ITGAV: variants seen among roughly 807,000 people sequenced by gnomAD.
ITGAV encodes integrin alpha-V.
A neutral mutation model predicts 143.8 loss-of-function variants in ITGAV; 76 were observed. That is an observed-to-expected ratio of 0.53 (90% CI 0.44 to 0.64). The LOEUF (loss-of-function observed/expected upper bound fraction) is 0.64. Among genes scored for constraint, ITGAV ranks in the 30% least tolerant of loss-of-function variants. ITGAV has a pLI of 0.00. For synonymous variants in ITGAV, 453 were observed against 446.7 expected (o/e 1.01, Z -0.18); for missense variants, 1,193 against 1,274.7 (o/e 0.94, Z 0.98).
At chr2:186,613,440 G>T (rs1316033425) in intron 2 of ITGAV, among the ~76,000 whole-genome samples, 1 of 151,970 alleles carries the variant, frequency 6.6e-6, no homozygotes, top group Non-Finnish European at 1.5e-5. Flanking sequence ...CTCTGGTTCT[G>T]CTTTTCTGAC....
At chr2:186,616,432 G>A (rs189887712) in intron 2 of ITGAV, among the ~76,000 whole-genome samples, 3,570 of 151,426 alleles carry the variant, frequency 0.024, 151 homozygotes, top group African/African-American at 0.082. Context: ...GCGCCCGCCA[G>A]CACGCCCGGC....
chr2:186,634,044 A>G lies in ITGAV; in HGVS notation c.631+670A>G, dbSNP rs1687890224. Among the ~76,000 whole-genome samples the G allele has an allele frequency of 2.6e-5, 4 of 152,270 alleles. No homozygotes were observed. In the South Asian group the frequency reaches 8.3e-4, roughly 32 times the overall value. ...CTCTCTCTCAAAAAATATATATAAAATAAAATAAAATTGGAGGATCTTAAT... is the reference window on the plus strand; with the variant it reads ...CTCTCTCTCAAAAAATATATATAAAGTAAAATAAAATTGGAGGATCTTAAT... On this transcript the variant is annotated intron_variant, in intron 6 of 29. Coordinates refer to ENST00000261023, the MANE Select transcript of ITGAV (RefSeq NM_002210.5).
At position 186,676,985 on chromosome 2, in the gene ITGAV, G is replaced by A. The variant is rs545000756; in HGVS notation, c.3051+50G>A. ...GAGAGAGGGAAAGCAGAAGAAAAGG[G>A]AAAGGGAAGAAGGAAAAGAAGAATG... On this transcript the variant is annotated intron_variant, in intron 29 of 29. Transcript: ENST00000261023. 23 of 1,572,136 alleles carry A rather than the reference G, an allele frequency of 1.5e-5. No individual in the cohort carries two copies. The South Asian group carries it at 2.4e-4, about 16-fold the overall frequency.
In ITGAV at chr2:186,675,622, T is replaced by G; in HGVS notation, c.2725T>G (p.Cys909Gly). The G allele has an allele frequency of 6.2e-7, 1 of 1,613,834 alleles. No individual in the cohort carries two copies. Among genetic ancestry groups the G allele is most frequent in the South Asian group, 1.1e-5 (1 of 91,086 alleles). ...TTGGCAGGGTTGTGGAGTTGCTCAGTGCTTGAAGATTGTCTGCCAAGTTGG... is the reference window on the plus strand; with the variant it reads ...TTGGCAGGGTTGTGGAGTTGCTCAGGGCTTGAAGATTGTCTGCCAAGTTGG... ...IHTLGCGVAQ[C>G]LKIVCQVGRL... The change falls in exon 27 of 30, where the codon TGC (cysteine) becomes GGC (glycine). Residue 909 changes from cysteine (C) to glycine (G), a missense_variant. By Grantham distance (159) the Cys-to-Gly change is radical. Coordinates refer to ENST00000261023, the MANE Select transcript of ITGAV (RefSeq NM_002210.5).
At chr2:186,612,913 GAT>G (rs1687254577) in intron 2 of ITGAV, among the ~76,000 whole-genome samples, 1 of 152,124 alleles carries the variant, frequency 6.6e-6, no homozygotes, top group Non-Finnish European at 1.5e-5. Context: ...TGTTTCTCCT[GAT>G]ATAATCTGTT....
intron 22 of ITGAV, 118 bp downstream of exon 22, chr2:186,666,901 G>A (rs1688913729): frequency 1.8e-6 from 1 of 565,406 alleles, no homozygotes; most frequent in Non-Finnish European, 2.9e-6. Context: ...CTTGACTATA[G>A]CATTTTAAAA....
At position 186,652,061 on chromosome 2, in the gene ITGAV, C is replaced by T. The variant is rs1441848896; in HGVS notation, c.1477C>T (p.Leu493=). Residue 493 remains leucine (L), a synonymous_variant, in exon 15 of 30, where the codon CTG becomes TTG. Transcript: ENST00000261023. ...ILNQDNKTCS[L]PGTALKVSCF... ...AAATCAAGACAATAAAACCTGCTCA[C>T]TGCCTGGAACAGCTCTCAAAGTTTC... 1 of 1,610,438 alleles carries T rather than the reference C, an allele frequency of 6.2e-7. No individual in the cohort carries two copies. Among genetic ancestry groups the T allele is most frequent in the Non-Finnish European group, 8.5e-7 (1 of 1,176,830 alleles).
At chr2:186,610,747 T>C (rs907411376) in intron 2 of ITGAV, among the ~76,000 whole-genome samples, 3 of 152,328 alleles carry the variant, frequency 2.0e-5, no homozygotes, top group Admixed American at 1.3e-4. Context: ...CTAAGATGAT[T>C]GATAGGTAGA....
chr2:186,658,776 G>A (rs750458156), intron 17 of ITGAV, among the ~76,000 whole-genome samples: 3 of 151,986 alleles, frequency 2.0e-5, no homozygotes, highest in Non-Finnish European at 4.4e-5. Flanking sequence ...GTGTGTTTGA[G>A]TGCTCATGTT....
chr2:186,662,877 A>T (rs1688785732), intron 18 of ITGAV, among the ~76,000 whole-genome samples: 1 of 151,310 alleles, frequency 6.6e-6, no homozygotes, highest in Non-Finnish European at 1.5e-5. Flanking sequence ...TTTTTAAAGG[A>T]CTCTATCTTT....
intron 2 of ITGAV, among the ~76,000 whole-genome samples, chr2:186,616,469 G>C (rs1021096760): frequency 7.3e-5 from 11 of 151,434 alleles, no homozygotes; most frequent in Non-Finnish European, 1.6e-4. Flanking sequence ...TAGTAGAGAC[G>C]GGGTTTCACC....
Position 186,675,608 on chromosome 2 carries a change from G to A in ITGAV, c.2711G>A (p.Cys904Tyr), listed in dbSNP as rs1574507303. ...GTAAAGGATTTGTTTTGGCAGGGTT[G>A]TGGAGTTGCTCAGTGCTTGAAGATT... ...LSEGDIHTLG[C>Y]GVAQCLKIVC... The change falls in exon 27 of 30, where the codon TGT becomes TAT. Residue 904 changes from cysteine (C) to tyrosine (Y), a missense_variant. Coordinates refer to ENST00000261023, the MANE Select transcript of ITGAV (RefSeq NM_002210.5). The A allele has an allele frequency of 3.1e-6, 5 of 1,611,768 alleles. No individual in the cohort carries two copies. Among genetic ancestry groups the A allele is most frequent in the Non-Finnish European group, 4.2e-6 (5 of 1,177,856 alleles).
At position 186,668,041 on chromosome 2, in the gene ITGAV, T is replaced by G. The variant is rs59878020; in HGVS notation, c.2433+265T>G. On this transcript the variant is annotated intron_variant, in intron 24 of 29. Coordinates refer to ENST00000261023, the MANE Select transcript of ITGAV (RefSeq NM_002210.5). ...TTGAATAAAGAAATGTCATTGGTAC[T>G]TTCTCATGGGCATTTTGTAGTTCTG... 210 of 189,420 alleles carry G rather than the reference T, an allele frequency of 1.1e-3. 5 individuals are homozygous for G. In the East Asian group the frequency reaches 0.025, roughly 22 times the overall value. 11.7% of individuals were successfully genotyped at this position (189,420 alleles called of 1,614,324 possible).
intron 12 of ITGAV, among the ~76,000 whole-genome samples, chr2:186,643,818 C>T (rs1236122563): frequency 2.0e-5 from 3 of 151,966 alleles, no homozygotes; most frequent in East Asian, 1.9e-4. Flanking sequence ...CAGATGATAG[C>T]GAAGAGAGAA....
chr2:186,600,521 C>A, intron 1 of ITGAV: 2 of 1,172,726 alleles, frequency 1.7e-6, no homozygotes, highest in Non-Finnish European at 1.2e-6. Context: ...GAGATAACTG[C>A]TCTGTCTAAA....
At chr2:186,603,822 T>A (rs376011023) in intron 2 of ITGAV, among the ~76,000 whole-genome samples, 3 of 152,104 alleles carry the variant, frequency 2.0e-5, no homozygotes, top group African/African-American at 7.2e-5. Context: ...GGGTGTACAA[T>A]GAAACATACA....
At chr2:186,608,374 T>C (rs187812433) in intron 2 of ITGAV, among the ~76,000 whole-genome samples, 1 of 152,280 alleles carries the variant, frequency 6.6e-6, no homozygotes, top group African/African-American at 2.4e-5. Flanking sequence ...CTGTTTCTCC[T>C]TTGAAAAAAT....
At chr2:186,667,812 G>T in intron 24 of ITGAV, 36 bp downstream of exon 24, 2 of 1,368,004 alleles carry the variant, frequency 1.5e-6, no homozygotes, top group Admixed American at 1.8e-5. Context: ...AACCTCGTGA[G>T]CAAGCCAACG....
intron 1 of ITGAV, among the ~76,000 whole-genome samples, chr2:186,598,454 T>G (rs1686809542): frequency 6.6e-6 from 1 of 150,534 alleles, no homozygotes; most frequent in South Asian, 2.1e-4. Context: ...TTTTTTTTTT[T>G]TGAGACAGAG....
Sources: gnomAD v4.1 joint callset for allele counts (sites outside exome capture counted in the v4.1 genomes callset) on GRCh38, gnomAD v4.1.1 for gene constraint, MANE v1.5 for transcripts, NCBI Gene and HGNC (gene_info 2026-07-23, HGNC 2026-07-21) for gene names.